The following TAS2R1 variants were observed in gnomAD, a reference collection of about 807,000 sequenced individuals.
TAS2R1 encodes the protein taste receptor type 2 member 1.
For synonymous variants in TAS2R1, 141 were observed against 134.2 expected, an observed-to-expected ratio of 1.05 and a Z score of -0.35; for missense variants, 370 against 353.4, an observed-to-expected ratio of 1.05 and a Z score of -0.38.
At chr5:9,716,900 G>A (rs879374775), upstream of TAS2R1, among the ~76,000 whole-genome samples, 13 of 152,070 alleles carry the variant, frequency 8.5e-5, no homozygotes, top group Non-Finnish European at 1.5e-4. Context: ...CCATACGATC[G>A]ATACGGAAGA....
chr5:9,657,458 C>T (rs951333057), intron 2 of TAS2R1, among the ~76,000 whole-genome samples: 2 of 152,168 alleles, frequency 1.3e-5, no homozygotes, highest in Non-Finnish European at 1.5e-5. Flanking sequence ...AACTATTCCT[C>T]CTGATAGAGC....
the TAS2R1 span, among the ~76,000 whole-genome samples, chr5:9,901,009 G>A: frequency 1.3e-5 from 2 of 152,116 alleles, no homozygotes; most frequent in East Asian, 3.9e-4. Context: ...GTCCTCGGAG[G>A]ACACAATACC....
the TAS2R1 span, chr5:9,765,622 T>C: frequency 6.6e-6 from 1 of 152,090 alleles, no homozygotes. Flanking sequence ...GAAGATGCCT[T>C]CCAGTGCAGT....
the TAS2R1 span, among the ~76,000 whole-genome samples, chr5:9,893,754 C>G: frequency 6.6e-6 from 1 of 152,064 alleles, no homozygotes; most frequent in Non-Finnish European, 1.5e-5. Flanking sequence ...GTCTACTTTG[C>G]AGAAACAACA....
At chr5:9,796,328 C>A in the TAS2R1 span, among the ~76,000 whole-genome samples, 1 of 152,184 alleles carries the variant, frequency 6.6e-6, no homozygotes, top group African/African-American at 2.4e-5. Flanking sequence ...GGCCCAGGCA[C>A]CAGCCCTAGC....
the TAS2R1 span, among the ~76,000 whole-genome samples, chr5:9,891,376 A>G: frequency 6.6e-6 from 1 of 152,236 alleles, no homozygotes; most frequent in African/African-American, 2.4e-5. Flanking sequence ...TTAGCATGTA[A>G]TAGATGTACT....
At chr5:9,661,535 A>G (rs955287234) in intron 1 of TAS2R1, among the ~76,000 whole-genome samples, 6 of 152,224 alleles carry the variant, frequency 3.9e-5, no homozygotes, top group Admixed American at 2.6e-4. Context: ...TGATCTTCCA[A>G]CATCGCAATC....
At chr5:9,863,340 G>A in the TAS2R1 span, among the ~76,000 whole-genome samples, 11 of 148,342 alleles carry the variant, frequency 7.4e-5, no homozygotes, top group Admixed American at 3.4e-4. Context: ...TGATGATCTC[G>A]GCTCACTGCA....
At chr5:9,651,240 T>C (rs1462029341) in intron 2 of TAS2R1, among the ~76,000 whole-genome samples, 1 of 152,200 alleles carries the variant, frequency 6.6e-6, no homozygotes, top group African/African-American at 2.4e-5. Context: ...ACGTTTCACA[T>C]ATACATCACT....
chr5:9,783,456 T>C, the TAS2R1 span, among the ~76,000 whole-genome samples: 6 of 152,332 alleles, frequency 3.9e-5, no homozygotes, highest in South Asian at 1.2e-3. Context: ...TTCAAGAATA[T>C]GTGCATCCGT....
the TAS2R1 span, among the ~76,000 whole-genome samples, chr5:9,831,355 A>C: frequency 6.6e-6 from 1 of 152,174 alleles, no homozygotes; most frequent in Non-Finnish European, 1.5e-5. Flanking sequence ...GAAGCAAAAA[A>C]AATATATAGT....
rs1740880930 is a variant in TAS2R1 at position 9,676,578 on chromosome 5, G to A, written c.-241-16997C>T. Among the ~76,000 whole-genome samples the A allele has an allele frequency of 3.9e-5, 6 of 152,038 alleles. No individual in the cohort carries two copies. The South Asian group carries it at 1.2e-3, about 32-fold the overall frequency. On this transcript the variant is annotated intron_variant, in intron 1 of 2. Transcript: ENST00000506620. ...ATACATACACAAAAATATAGACATA[G>A]ACCTTATAACTTTTACTAAAACTCA...
At chr5:9,836,164 A>T in the TAS2R1 span, among the ~76,000 whole-genome samples, 1 of 151,784 alleles carries the variant, frequency 6.6e-6, no homozygotes, top group African/African-American at 2.4e-5. Flanking sequence ...ACCATGTGAG[A>T]CGTGCCTTTT....
At chr5:9,633,310 A>ATT (rs1315351176), upstream of TAS2R1, among the ~76,000 whole-genome samples, 3 of 135,870 alleles carry the variant, frequency 2.2e-5, no homozygotes, top group African/African-American at 9.2e-5. Context: ...ATATATATAT[A>ATT]TATATATATA....
At chr5:9,640,990 A>T (rs148186990) in intron 2 of TAS2R1, among the ~76,000 whole-genome samples, 2,242 of 152,218 alleles carry the variant, frequency 0.015, 26 homozygotes, top group Middle Eastern at 0.034. Context: ...ACATTTCTGT[A>T]CTGATCCCGT....
the TAS2R1 span, among the ~76,000 whole-genome samples, chr5:9,753,393 GTTGT>G: frequency 6.6e-6 from 1 of 152,092 alleles, no homozygotes; most frequent in African/African-American, 2.4e-5. Flanking sequence ...TTTTGATGGG[GTTGT>G]TTGTTTTTTT....
chr5:9,765,020 A>C, the TAS2R1 span, among the ~76,000 whole-genome samples: 1 of 152,162 alleles, frequency 6.6e-6, no homozygotes, highest in Non-Finnish European at 1.5e-5. Flanking sequence ...AGGATATAAA[A>C]TGTATTTATA....
intron 1 of TAS2R1, among the ~76,000 whole-genome samples, chr5:9,668,248 G>C (rs2126500646): frequency 6.6e-6 from 1 of 152,278 alleles, no homozygotes; most frequent in South Asian, 2.1e-4. Flanking sequence ...CAAAAACTTT[G>C]AGAAATATGG....
intron 1 of TAS2R1, among the ~76,000 whole-genome samples, chr5:9,691,004 G>C (rs76804553): frequency 6.6e-6 from 1 of 152,170 alleles, no homozygotes; most frequent in Non-Finnish European, 1.5e-5. Flanking sequence ...GGAGATAAAC[G>C]TGGGCGTCTC....
Sources: gnomAD v4.1 joint callset for allele counts (sites outside exome capture counted in the v4.1 genomes callset) on GRCh38, gnomAD v4.1.1 for gene constraint, MANE v1.5 for transcripts, NCBI Gene and HGNC (gene_info 2026-07-23, HGNC 2026-07-21) for gene names.